DNAH8: variants seen among roughly 807,000 people sequenced by gnomAD.
The protein encoded by DNAH8 is dynein axonemal heavy chain 8, also known as axonemal beta dynein heavy chain 8.
Under a neutral mutation model 562.1 loss-of-function variants are expected in DNAH8, and 382 were observed. The observed-to-expected ratio is 0.68, with a 90% CI of 0.63 to 0.74. The LOEUF is 0.74. DNAH8 is among the 30% of genes least tolerant of loss of function. The pLI is 0.00. For synonymous variants in DNAH8, 1,881 were observed against 1,919.4 expected, an observed-to-expected ratio of 0.98 and a Z score of 0.52; for missense variants, 5,203 against 5,620.4, an observed-to-expected ratio of 0.93 and a Z score of 2.37.
chr6:38,864,524 T>C (rs1402654948), intron 45 of DNAH8, among the ~76,000 whole-genome samples: 1 of 152,224 alleles, frequency 6.6e-6, no homozygotes, highest in African/African-American at 2.4e-5. Flanking sequence ...TTTACTCTAG[T>C]ACTCGGCCTG....
intron 62 of DNAH8, among the ~76,000 whole-genome samples, chr6:38,904,427 A>C (rs1405961188): frequency 5.3e-5 from 8 of 152,190 alleles, no homozygotes; most frequent in Non-Finnish European, 1.2e-4. Context: ...ATGGAGAGTG[A>C]GAAGAAGAGG....
chr6:38,747,378 CTTTTTCTTTTTT>C (rs1765034382), intron 8 of DNAH8, among the ~76,000 whole-genome samples: 1 of 102,136 alleles, frequency 9.8e-6, no homozygotes, highest in South Asian at 3.1e-4. Context: ...TTCTTTTTTT[CTTTTTCTTTTTT>C]TTTTTTTTTT....
chr6:38,751,992 C>A (rs1465838130), intron 9 of DNAH8, among the ~76,000 whole-genome samples: 1 of 152,092 alleles, frequency 6.6e-6, no homozygotes, highest in East Asian at 1.9e-4. Context: ...TGCACAATGA[C>A]CCTCATTTCA....
intron 24 of DNAH8, among the ~76,000 whole-genome samples, chr6:38,811,354 G>A (rs1771778026): frequency 6.6e-6 from 1 of 152,284 alleles, no homozygotes; most frequent in South Asian, 2.1e-4. Context: ...GGGCACACTG[G>A]ACATGTGGTT....
chr6:39,011,965 G>A (rs1221750671), intron 89 of DNAH8, among the ~76,000 whole-genome samples: 3 of 152,174 alleles, frequency 2.0e-5, no homozygotes, highest in African/African-American at 4.8e-5. Context: ...GCTCTTTAAG[G>A]TACATTTCCA....
chr6:38,774,809 GT>G (rs952378166), intron 12 of DNAH8, among the ~76,000 whole-genome samples: 4 of 152,176 alleles, frequency 2.6e-5, no homozygotes, highest in African/African-American at 9.7e-5. Flanking sequence ...TAGTTCCTGT[GT>G]TTATATAGAG....
chr6:38,840,506 A>G (rs1774685571), intron 33 of DNAH8, among the ~76,000 whole-genome samples: 2 of 152,224 alleles, frequency 1.3e-5, no homozygotes, highest in South Asian at 4.1e-4. Context: ...AAAATATTGC[A>G]TGATAAGGCC....
intron 52 of DNAH8, 55 bp downstream of exon 52, chr6:38,873,431 G>A: frequency 6.7e-7 from 1 of 1,489,450 alleles, no homozygotes; most frequent in East Asian, 2.3e-5. Context: ...TTTTCACTCA[G>A]TTGCAGTTTA....
intron 61 of DNAH8, 151 bp downstream of exon 61, chr6:38,898,531 T>A: frequency 3.9e-6 from 2 of 510,260 alleles, no homozygotes. Flanking sequence ...TCCCAGAAAA[T>A]AAAGGCTTAA....
At chr6:38,940,227 A>T (rs907323515) in intron 79 of DNAH8, among the ~76,000 whole-genome samples, 6 of 152,180 alleles carry the variant, frequency 3.9e-5, no homozygotes, top group Admixed American at 3.9e-4. Context: ...CCTAGCGTAA[A>T]GGCAATGGGA....
intron 57 of DNAH8, among the ~76,000 whole-genome samples, chr6:38,889,640 G>A (rs1230572971): frequency 1.3e-5 from 2 of 152,196 alleles, no homozygotes; most frequent in Admixed American, 1.3e-4. Context: ...CTTTTAGCTA[G>A]TGCTTGGCAG....
chr6:38,873,386 T>G lies in DNAH8; in HGVS notation c.7620+10T>G, dbSNP rs1777622713. On this transcript the variant is annotated intron_variant, in intron 52 of 92. Coordinates refer to ENST00000327475, the MANE Select transcript of DNAH8 (RefSeq NM_001206927.2). ...CAACTATATTGTGCAAGTAAGATTT[T>G]TTTTTGTACATTTACTACTTCGATT... is the stretch of plus-strand genomic sequence containing the variant. The G allele has an allele frequency of 1.9e-6, 3 of 1,576,318 alleles. No individual in the cohort carries two copies. The African/African-American group carries it at 4.1e-5, about 22-fold the overall frequency.
At position 38,815,495 on chromosome 6, in the gene DNAH8, C is replaced by A. The variant is rs200670267; in HGVS notation, c.3361C>A (p.Gln1121Lys). ...GATGATTCCTAGTTTGGATGACATT[C>A]AACAAGCCATTAACCGTATGATCCA... ...VVMIPSLDDI[Q>K]QAINRMIQLT... is the part of the protein sequence containing the mutation. Residue 1121 changes from glutamine (Q) to lysine (K), a missense_variant, in exon 26 of 93, where the codon CAA becomes AAA. Physicochemically the swap from Gln to Lys is moderately conservative, Grantham distance 53 (BLOSUM62 1). This residue lies in a region of DNAH8 where 2,176 missense variants were observed against 2,365.1 expected (regional missense o/e 0.92). Transcript: ENST00000327475. 5.0e-6 allele frequency: 8 copies of A among 1,613,752 alleles called. No individual in the cohort carries two copies. Among genetic ancestry groups the A allele is most frequent in the Non-Finnish European group, 6.8e-6 (8 of 1,179,872 alleles).
At chr6:38,764,224 TTGTGTGTGAC>T (rs1766778503) in intron 11 of DNAH8, 1 of 154,002 alleles carries the variant, frequency 6.5e-6, no homozygotes, top group South Asian at 2.1e-4. Flanking sequence ...AAGGGGAGGC[TTGTGTGTGAC>T]AAGCATCTAA....
Position 39,030,581 on chromosome 6 carries a change from C to G in DNAH8, c.*189C>G. On this transcript the variant is annotated 3_prime_UTR_variant, in exon 93 of 93. Coordinates refer to ENST00000327475, the MANE Select transcript of DNAH8 (RefSeq NM_001206927.2). ...CATATCAATATTCAAAAAGATAACT[C>G]TAAATGAATGTTTTTTATTCTGGGA... 1 of 538,826 alleles carries G rather than the reference C, an allele frequency of 1.9e-6. No individual in the cohort carries two copies. Among genetic ancestry groups the G allele is most frequent in the Non-Finnish European group, 3.2e-6 (1 of 307,978 alleles). 33.4% of individuals were successfully genotyped at this position (538,826 alleles called of 1,614,324 possible). A position where few individuals can be genotyped will look rare whatever the true frequency, so the allele number is the denominator to read the frequency against.
chr6:38,755,932 A>G (rs756716861), intron 9 of DNAH8, 40 bp from the exon 10 acceptor site: 2 of 1,057,768 alleles, frequency 1.9e-6, no homozygotes, highest in South Asian at 1.3e-5. Context: ...TTAAAACTAT[A>G]TGCATATGAT....
intron 82 of DNAH8, among the ~76,000 whole-genome samples, chr6:38,955,459 C>A (rs1206190958): frequency 6.6e-6 from 1 of 151,902 alleles, no homozygotes; most frequent in Non-Finnish European, 1.5e-5. Flanking sequence ...GGCAAAACCC[C>A]ATGTCTACTA....
chr6:38,951,365 C>T lies in DNAH8; in HGVS notation c.12296C>T (p.Ala4099Val), dbSNP rs1464740490. The change falls in exon 82 of 93, where the codon GCA becomes GTA. Residue 4099 changes from alanine to valine, a missense_variant. This residue lies in a region of DNAH8 where 1,399 missense variants were observed against 1,518.4 expected (regional missense o/e 0.92). Transcript: ENST00000327475. ...GTTTTTCAAGCAAGAAAGTATATTG[C>T]AGATTCTTTGGAGGAGAAGTACACA... ...RTVFQARKYI[A>V]DSLEEKYTEP... 6.2e-7 allele frequency: 1 copy of T among 1,614,136 alleles called. No homozygotes were observed.
Position 38,772,068 on chromosome 6 carries a change from G to A in DNAH8, c.1764+1509G>A, listed in dbSNP as rs529771779. ...TTTTGAGACGGAGTTTTGCTCTTTC[G>A]CCCAGGCCAGAGTGCAGTGGCGTGA... is the stretch of plus-strand genomic sequence containing the variant. On this transcript the variant is annotated intron_variant, in intron 12 of 92. Transcript: ENST00000327475. 1.1e-4 allele frequency among the ~76,000 whole-genome samples: 14 copies of A among 128,758 alleles called. No homozygotes were observed. The East Asian group carries it at 1.7e-3, about 15-fold the overall frequency. 84.5% of individuals were successfully genotyped at this position (128,758 alleles called of 152,430 possible).
Sources: gnomAD v4.1 joint callset for allele counts (sites outside exome capture counted in the v4.1 genomes callset) on GRCh38, gnomAD v4.1.1 for gene constraint, gnomAD v4.1.1 regional missense constraint, MANE v1.5 for transcripts, NCBI Gene and HGNC (gene_info 2026-07-23, HGNC 2026-07-21) for gene names.